The following APC variants were observed in gnomAD, a reference collection of about 807,000 sequenced individuals.
APC encodes adenomatous polyposis coli protein.
In APC, 72 loss-of-function variants were observed where a neutral mutation model predicts 247.0. That is an observed-to-expected ratio of 0.29 (90% CI 0.24 to 0.35). The LOEUF (loss-of-function observed/expected upper bound fraction) is 0.35. Among genes scored for constraint, APC ranks in the 10% least tolerant of loss-of-function variants. APC has a pLI of 1.00. For missense variants in APC, 3,400 were observed against 3,360.7 expected, an observed-to-expected ratio of 1.01 and a Z score of -0.29; for synonymous variants, 1,254 against 1,162.5, an observed-to-expected ratio of 1.08 and a Z score of -1.60.
At chr5:112,798,295 G>A (rs1279237222) in intron 7 of APC, among the ~76,000 whole-genome samples, 1 of 152,186 alleles carries the variant, frequency 6.6e-6, no homozygotes, top group Non-Finnish European at 1.5e-5. Context: ...TGAACCTCCA[G>A]AACATGCTAA....
intron 4 of APC, among the ~76,000 whole-genome samples, chr5:112,770,649 A>G (rs1756936508): frequency 6.6e-6 from 1 of 152,146 alleles, no homozygotes; most frequent in Admixed American, 6.5e-5. Flanking sequence ...AATGAAAAGT[A>G]TCAGTATTCC....
intron 1 of APC, among the ~76,000 whole-genome samples, chr5:112,754,561 A>G (rs1425626686): frequency 6.6e-6 from 1 of 152,150 alleles, no homozygotes; most frequent in Non-Finnish European, 1.5e-5. Flanking sequence ...AATGGGTAAA[A>G]TATCTTTAAA....
At chr5:112,835,560 TC>T (rs1157576351) in intron 15 of APC, among the ~76,000 whole-genome samples, 2 of 145,608 alleles carry the variant, frequency 1.4e-5, no homozygotes, top group East Asian at 4.2e-4. Flanking sequence ...TGTCTTAGTA[TC>T]CATAATAATA....
intron 14 of APC, among the ~76,000 whole-genome samples, chr5:112,830,368 T>G (rs770774148): frequency 1.3e-5 from 2 of 152,180 alleles, no homozygotes; most frequent in Non-Finnish European, 2.9e-5. Context: ...GATACCATTA[T>G]GCATATCATA....
In APC at chr5:112,802,798, A is replaced by G. The variant is rs577385184; in HGVS notation, c.834+1415A>G. ...TGCCAGGAAATCATAGCGAGATTCCAAAACAAACAACCAAGATCACATTAT... is the reference window on the plus strand; with the variant it reads ...TGCCAGGAAATCATAGCGAGATTCCGAAACAAACAACCAAGATCACATTAT... On this transcript the variant is annotated intron_variant, in intron 8 of 15. Transcript: ENST00000257430. Among the ~76,000 whole-genome samples, 66 of 152,290 alleles carry G rather than the reference A, an allele frequency of 4.3e-4. 1 individual carries two copies. In the Middle Eastern group the frequency reaches 0.014, roughly 31 times the overall value.
intron 6 of APC, among the ~76,000 whole-genome samples, chr5:112,785,808 C>G (rs1758874701): frequency 6.6e-6 from 1 of 152,124 alleles, no homozygotes; most frequent in South Asian, 2.1e-4. Context: ...ACCCTTACCT[C>G]ACATCTTAAG....
chr5:112,750,363 G>A (rs1169390208), intron 1 of APC, among the ~76,000 whole-genome samples: 1 of 151,684 alleles, frequency 6.6e-6, no homozygotes, highest in Non-Finnish European at 1.5e-5. Context: ...CTGTATTTTT[G>A]TATGTTCTTT....
chr5:112,716,151 G>A (rs971136932), intron 1 of APC, among the ~76,000 whole-genome samples: 1 of 151,792 alleles, frequency 6.6e-6, no homozygotes, highest in African/African-American at 2.4e-5. Flanking sequence ...GGGGTTCTTC[G>A]GTGAAGTTCT....
intron 1 of APC, among the ~76,000 whole-genome samples, chr5:112,741,573 CTG>C (rs1218961780): frequency 6.6e-6 from 1 of 152,126 alleles, no homozygotes; most frequent in South Asian, 2.1e-4. Flanking sequence ...TTTTGTGAGT[CTG>C]TTTTTTACAG....
chr5:112,821,507 T>A (rs950823782), intron 10 of APC, among the ~76,000 whole-genome samples: 2 of 151,854 alleles, frequency 1.3e-5, no homozygotes, highest in African/African-American at 4.8e-5. Context: ...CTGTTTTGTT[T>A]TTTTTTTGTT....
At chr5:112,834,506 G>C (rs1580601426) in intron 14 of APC, among the ~76,000 whole-genome samples, 1 of 152,098 alleles carries the variant, frequency 6.6e-6, no homozygotes, top group Admixed American at 6.5e-5. Flanking sequence ...GCCTCCCAAA[G>C]TGCTGGGATT....
At chr5:112,802,040 T>C (rs1025339140) in intron 8 of APC, among the ~76,000 whole-genome samples, 2 of 152,120 alleles carry the variant, frequency 1.3e-5, no homozygotes, top group Non-Finnish European at 2.9e-5. Flanking sequence ...CTTTAGGGTG[T>C]TCTGTATTCT....
intron 4 of APC, among the ~76,000 whole-genome samples, chr5:112,769,638 T>G (rs1756804579): frequency 6.6e-6 from 1 of 152,184 alleles, no homozygotes; most frequent in South Asian, 2.1e-4. Context: ...AAAAGCTTCA[T>G]ATTATCTCTG....
intron 1 of APC, among the ~76,000 whole-genome samples, chr5:112,753,513 A>G (rs924326816): frequency 6.6e-6 from 1 of 152,224 alleles, no homozygotes; most frequent in Non-Finnish European, 1.5e-5. Context: ...ATTAAAATGA[A>G]AGGGCAAAGA....
chr5:112,777,757 A>G, intron 5 of APC: 1 of 254,432 alleles, frequency 3.9e-6, no homozygotes, highest in South Asian at 6.5e-5. Flanking sequence ...GCCTAATCTG[A>G]ATCCTTCCAT....
At chr5:112,762,979 T>G (rs1561456597) in intron 2 of APC, among the ~76,000 whole-genome samples, 4 of 152,234 alleles carry the variant, frequency 2.6e-5, no homozygotes, top group African/African-American at 9.6e-5. Context: ...CAGATTTTGT[T>G]GATGAGGTTC....
At chr5:112,806,206 G>A (rs191520523) in intron 8 of APC, among the ~76,000 whole-genome samples, 350 of 152,300 alleles carry the variant, frequency 2.3e-3, no homozygotes, top group African/African-American at 8.0e-3. Context: ...GGCTGTCACA[G>A]CATGTTCCTC....
chr5:112,766,536 T>G (rs1756357286), intron 3 of APC, 126 bp downstream of exon 3: 1 of 663,098 alleles, frequency 1.5e-6, no homozygotes, highest in South Asian at 1.8e-5. Context: ...ATGTTAGCCT[T>G]ACCCTCAGGA....
rs956023264 is a variant in APC at position 112,845,573 on chromosome 5, G to A, written c.*1447G>A. On this transcript the variant is annotated 3_prime_UTR_variant, in exon 16 of 16. Coordinates refer to ENST00000257430, the MANE Select transcript of APC (RefSeq NM_000038.6). ...AATTCAAATCACATGGAACTTTAGA[G>A]GTAGATTTAATACGATTAAGATATT... The A allele has an allele frequency of 7.7e-5, 18 of 232,654 alleles. No individual in the cohort carries two copies. The highest frequency in any genetic ancestry group is 1.3e-3 in the Middle Eastern group (1 of 800). The allele number at this position is 232,654 out of a possible 1,614,324, so 14.4% of individuals were successfully genotyped here.
Sources: gnomAD v4.1 joint callset for allele counts (sites outside exome capture counted in the v4.1 genomes callset) on GRCh38, gnomAD v4.1.1 for gene constraint, MANE v1.5 for transcripts, NCBI Gene and HGNC (gene_info 2026-07-23, HGNC 2026-07-21) for gene names.